The following RNF150 variants were observed in gnomAD, a reference collection of about 807,000 sequenced individuals.
RNF150 encodes ring finger protein 150.
A neutral mutation model predicts 39.3 loss-of-function variants in RNF150; 24 were observed. The ratio of observed to expected loss-of-function variants is 0.61; its 90% confidence interval spans 0.44 to 0.86. RNF150 has a LOEUF of 0.86. RNF150 is among the 40% of genes least tolerant of loss of function. RNF150 has a pLI of 0.00. For synonymous variants in RNF150, 255 were observed against 227.3 expected, an observed-to-expected ratio of 1.12 and a Z score of -1.10; for missense variants, 502 against 587.8, an observed-to-expected ratio of 0.85 and a Z score of 1.51.
chr4:140,948,167 C>T (rs757591385), intron 3 of RNF150, among the ~76,000 whole-genome samples: 20 of 151,990 alleles, frequency 1.3e-4, no homozygotes, highest in Non-Finnish European at 2.4e-4. Context: ...TTTAATGCCT[C>T]ATAACATAGT....
At chr4:141,080,332 T>C (rs1442773678) in intron 1 of RNF150, among the ~76,000 whole-genome samples, 1 of 152,212 alleles carries the variant, frequency 6.6e-6, no homozygotes, top group African/African-American at 2.4e-5. Context: ...TTTTTTACAA[T>C]GACAAATACG....
rs1246817696 is a variant in RNF150, at chr4:140,866,095, G to C, written c.*2166C>G. The C allele has an allele frequency of 6.6e-6, 1 of 152,128 alleles. No homozygotes were observed. The highest frequency in any genetic ancestry group is 1.5e-5 in the Non-Finnish European group (1 of 68,036). The allele number at this position is 152,128 out of a possible 1,614,324, so 9.4% of individuals were successfully genotyped here. ...GTGACTAACAGCAATTTTTAAACAA[G>C]GCAAAACAAACCAACTCCTACTTGG... On this transcript the variant is annotated 3_prime_UTR_variant, in exon 7 of 7. Transcript: ENST00000515673.
At chr4:141,055,391 C>G (rs1736928976) in intron 1 of RNF150, among the ~76,000 whole-genome samples, 1 of 152,064 alleles carries the variant, frequency 6.6e-6, no homozygotes, top group Admixed American at 6.6e-5. Flanking sequence ...TGATCCAGTG[C>G]AACCATATGA....
chr4:140,983,655 G>A (rs553356379), intron 1 of RNF150, among the ~76,000 whole-genome samples: 1 of 151,956 alleles, frequency 6.6e-6, no homozygotes, highest in South Asian at 2.1e-4. Flanking sequence ...CTAGGCATGC[G>A]TGGAAAGAGA....
intron 1 of RNF150, among the ~76,000 whole-genome samples, chr4:141,165,354 C>A (rs563784864): frequency 6.6e-6 from 1 of 152,244 alleles, no homozygotes; most frequent in African/African-American, 2.4e-5. Context: ...TAGTGGGAGA[C>A]TTTAACACCC....
chr4:141,024,481 T>G (rs991200202), intron 1 of RNF150, among the ~76,000 whole-genome samples: 4 of 152,162 alleles, frequency 2.6e-5, no homozygotes, highest in African/African-American at 9.7e-5. Context: ...CTCAGGGGGA[T>G]ATACCTTCAT....
chr4:141,004,328 G>C (rs1734789668), intron 1 of RNF150, among the ~76,000 whole-genome samples: 1 of 152,056 alleles, frequency 6.6e-6, no homozygotes, highest in Admixed American at 6.5e-5. Context: ...TTCTAGAAAG[G>C]AGCCTGATGT....
At chr4:141,159,836 G>A (rs140369014) in intron 1 of RNF150, among the ~76,000 whole-genome samples, 35 of 152,262 alleles carry the variant, frequency 2.3e-4, no homozygotes, top group South Asian at 8.3e-4. Flanking sequence ...GAGCCACTGC[G>A]CCCAGCCTGT....
At chr4:141,129,375 T>G (rs1726836387) in intron 1 of RNF150, among the ~76,000 whole-genome samples, 1 of 152,206 alleles carries the variant, frequency 6.6e-6, no homozygotes, top group Admixed American at 6.5e-5. Context: ...GTCCACATAT[T>G]ATATGATTCC....
intron 1 of RNF150, among the ~76,000 whole-genome samples, chr4:141,211,909 G>A (rs947874424): frequency 6.6e-6 from 1 of 151,962 alleles, no homozygotes; most frequent in African/African-American, 2.4e-5. Context: ...CTAAAGTGAA[G>A]GAAAGAATTT....
intron 1 of RNF150, among the ~76,000 whole-genome samples, chr4:141,201,770 T>C (rs1183899530): frequency 5.3e-5 from 8 of 152,138 alleles, no homozygotes; most frequent in Non-Finnish European, 8.8e-5. Context: ...TGTTCCTTCC[T>C]TATAGTTTGG....
rs972307935 is a variant in RNF150 at position 141,175,261 on chromosome 4, T to C, written c.-6+37533A>G. Among the ~76,000 whole-genome samples, 3 of 152,216 alleles carry C rather than the reference T, an allele frequency of 2.0e-5. No homozygotes were observed. The South Asian group carries it at 6.2e-4, about 32-fold the overall frequency. ...ATCTCTCCATTCCTCACAGATTTGT[T>C]GAGCTCCTATTATATTACCAGGCAC... On this transcript the variant is annotated intron_variant, in intron 1 of 7. Transcript: ENST00000420921.
chr4:141,078,832 T>TATATATATATACAC (rs1269919232), intron 1 of RNF150, among the ~76,000 whole-genome samples: 2 of 102,844 alleles, frequency 1.9e-5, no homozygotes, highest in African/African-American at 8.0e-5. Context: ...TATATATATA[T>TATATATATATACAC]ACACACACAC....
At chr4:140,932,851 C>T (rs1731705546) in intron 4 of RNF150, among the ~76,000 whole-genome samples, 3 of 152,186 alleles carry the variant, frequency 2.0e-5, no homozygotes, top group Admixed American at 2.0e-4. Flanking sequence ...AATTGCTGAC[C>T]TATCAATTAA....
intron 6 of RNF150, among the ~76,000 whole-genome samples, chr4:140,896,687 T>TAA (rs368166601): frequency 0.4 from 31,405 of 79,162 alleles, 4,422 homozygotes; most frequent in Non-Finnish European, 0.47. Context: ...TAGAGTATAA[T>TAA]AAAAAAAAAA....
chr4:141,189,366 G>T (rs1467561148), intron 1 of RNF150, among the ~76,000 whole-genome samples: 1 of 152,170 alleles, frequency 6.6e-6, no homozygotes, highest in Non-Finnish European at 1.5e-5. Context: ...CAGTCAGGTG[G>T]CACAGGGCAC....
chr4:140,984,737 A>C lies in RNF150; in HGVS notation c.485-16864T>G, dbSNP rs543590326. On this transcript the variant is annotated intron_variant, in intron 1 of 6. Transcript: ENST00000515673. ...CTCTCACTTGGTGTGGGCCAAGGGA[A>C]AGGAGGAATTGCTACCACCTAGGAG... is the stretch of plus-strand genomic sequence containing the variant. Among the ~76,000 whole-genome samples the C allele has an allele frequency of 7.9e-5, 12 of 152,274 alleles. 1 individual carries two copies. The East Asian group carries it at 2.3e-3, about 29-fold the overall frequency.
chr4:141,211,681 T>G (rs572478147), intron 1 of RNF150, among the ~76,000 whole-genome samples: 2 of 43,674 alleles, frequency 4.6e-5, no homozygotes, highest in African/African-American at 1.2e-4. Flanking sequence ...ACTTACTTTG[T>G]TTTTTTTTTG....
At chr4:141,064,621 C>A (rs578247281) in intron 1 of RNF150, among the ~76,000 whole-genome samples, 75 of 151,486 alleles carry the variant, frequency 5.0e-4, no homozygotes, top group African/African-American at 1.7e-3. Context: ...ACAACAACAA[C>A]AAAAAATTAA....
Sources: allele counts gnomAD v4.1 joint callset (sites outside exome capture counted in the v4.1 genomes callset), GRCh38; gene constraint gnomAD v4.1.1; transcripts MANE v1.5; gene names NCBI Gene and HGNC (gene_info 2026-07-23, HGNC 2026-07-21).